Variants in POU2AF2 observed in about 807,000 individuals in gnomAD.
POU2AF2 encodes the protein POU domain class 2-associating factor 2.
chr11:111,247,189 C>G, the POU2AF2 span, among the ~76,000 whole-genome samples: 5,932 of 34,204 alleles, frequency 0.17, 180 homozygotes, highest in Non-Finnish European at 0.26. Context: ...CATACACACA[C>G]ACAGAGAGAG....
chr11:111,284,190 C>T, the POU2AF2 span: 28 of 1,614,102 alleles, frequency 1.7e-5, no homozygotes, highest in South Asian at 2.2e-5. Context: ...GTGGGGAAGC[C>T]GTTTCCCTGT....
the POU2AF2 span, among the ~76,000 whole-genome samples, chr11:111,265,585 C>T: frequency 6.6e-6 from 1 of 152,122 alleles, no homozygotes; most frequent in East Asian, 1.9e-4. Flanking sequence ...ATAATGTCTA[C>T]AAAGCACCTG....
the POU2AF2 span, chr11:111,286,139 C>A: frequency 6.7e-7 from 1 of 1,496,622 alleles, no homozygotes; most frequent in Non-Finnish European, 9.0e-7. Flanking sequence ...CCATTCAGGA[C>A]TGGATTTTCA....
chr11:111,269,570 A>T, the POU2AF2 span, among the ~76,000 whole-genome samples: 1 of 152,112 alleles, frequency 6.6e-6, no homozygotes, highest in South Asian at 2.1e-4. Flanking sequence ...GAATTCTTTC[A>T]TGCAGCTTGC....
At chr11:111,283,058 C>CTTTTTT in the POU2AF2 span, among the ~76,000 whole-genome samples, 1 of 118,456 alleles carries the variant, frequency 8.4e-6, no homozygotes, top group Non-Finnish European at 1.7e-5. Context: ...AAACTTTTTA[C>CTTTTTT]TTTTTTTTTT....
chr11:111,255,908 C>A, the POU2AF2 span: 24 of 398,318 alleles, frequency 6.0e-5, no homozygotes, highest in African/African-American at 4.5e-4. Context: ...AATGATCAGC[C>A]CCCTAAACAT....
the POU2AF2 span, among the ~76,000 whole-genome samples, chr11:111,266,834 T>G: frequency 1.3e-5 from 2 of 152,308 alleles, no homozygotes; most frequent in Middle Eastern, 3.4e-3. Flanking sequence ...GGCTTAGATT[T>G]GGAACTAGGT....
chr11:111,250,123 G>T, the POU2AF2 span, among the ~76,000 whole-genome samples: 1 of 151,894 alleles, frequency 6.6e-6, no homozygotes, highest in Non-Finnish European at 1.5e-5. Context: ...CATCAAAACC[G>T]ACTCTTTCCC....
chr11:111,267,300 A>T, the POU2AF2 span, among the ~76,000 whole-genome samples: 1 of 151,586 alleles, frequency 6.6e-6, no homozygotes, highest in Non-Finnish European at 1.5e-5. Context: ...ATTCTCCACC[A>T]CTCCTGGACC....
the POU2AF2 span, among the ~76,000 whole-genome samples, chr11:111,251,715 G>A: frequency 2.0e-5 from 3 of 152,132 alleles, no homozygotes; most frequent in Non-Finnish European, 4.4e-5. Context: ...AATCCAAAGT[G>A]TACTCTTCCC....
At chr11:111,263,320 C>T in the POU2AF2 span, among the ~76,000 whole-genome samples, 3 of 151,944 alleles carry the variant, frequency 2.0e-5, no homozygotes, top group Non-Finnish European at 4.4e-5. Context: ...TTAAAATAGA[C>T]CTGAGTCTCA....
At chr11:111,261,508 T>G in the POU2AF2 span, among the ~76,000 whole-genome samples, 3 of 152,174 alleles carry the variant, frequency 2.0e-5, no homozygotes, top group Admixed American at 6.5e-5. Context: ...TTTAATCAAG[T>G]TTTTCTTAAG....
At chr11:111,264,612 GA>G in the POU2AF2 span, among the ~76,000 whole-genome samples, 32 of 88,756 alleles carry the variant, frequency 3.6e-4, 6 homozygotes, top group South Asian at 2.3e-3. Context: ...AGAGACGAAA[GA>G]AAGAAAGAGA....
At chr11:111,276,453 A>AATATATAGATATATATATAT in the POU2AF2 span, among the ~76,000 whole-genome samples, 6 of 37,692 alleles carry the variant, frequency 1.6e-4, no homozygotes, top group Non-Finnish European at 2.5e-4. Context: ...AAAAAAAAAA[A>AATATATAGATATATATATAT]ATATATATAT....
the POU2AF2 span, among the ~76,000 whole-genome samples, chr11:111,270,579 C>T: frequency 1.3e-5 from 2 of 152,158 alleles, no homozygotes; most frequent in Admixed American, 1.3e-4. Flanking sequence ...TTCTTCTTGG[C>T]CTTAGAATTG....
At chr11:111,268,490 T>TTATTTTATTTTA in the POU2AF2 span, among the ~76,000 whole-genome samples, 1 of 46,670 alleles carries the variant, frequency 2.1e-5, no homozygotes. Flanking sequence ...TTATTTTATT[T>TTATTTTATTTTA]TATTTTATTT....
the POU2AF2 span, among the ~76,000 whole-genome samples, chr11:111,270,761 G>A: frequency 6.6e-6 from 1 of 152,176 alleles, no homozygotes; most frequent in African/African-American, 2.4e-5. Flanking sequence ...ACAGCATCCA[G>A]GACAGGTGGC....
At chr11:111,285,923 C>A in the POU2AF2 span, 2 of 1,614,006 alleles carry the variant, frequency 1.2e-6, no homozygotes, top group Non-Finnish European at 1.7e-6. Context: ...GTCAAATGAC[C>A]TACCGCCCAA....
At chr11:111,285,712 C>T in the POU2AF2 span, 7 of 1,613,700 alleles carry the variant, frequency 4.3e-6, no homozygotes, top group African/African-American at 1.3e-5. Context: ...CTGTGTCTGC[C>T]GATGCCCTGC....
Sources: allele counts gnomAD v4.1 joint callset (sites outside exome capture counted in the v4.1 genomes callset), GRCh38; gene constraint gnomAD v4.1.1; transcripts MANE v1.5; gene names NCBI Gene and HGNC (gene_info 2026-07-23, HGNC 2026-07-21).